SLC12A6: variants seen among roughly 807,000 people sequenced by gnomAD.
SLC12A6 encodes the protein solute carrier family 12 member 6.
SLC12A6 carries 66 observed loss-of-function variants against 135.3 expected under a neutral mutation model. The ratio of observed to expected loss-of-function variants is 0.49; its 90% CI spans 0.40 to 0.60. The LOEUF (loss-of-function observed/expected upper bound fraction) is 0.60. Ranked by LOEUF, SLC12A6 falls within the 20% of genes least tolerant of loss-of-function variation. The probability of loss-of-function intolerance (pLI) is 0.00; values close to 1 mark genes in which losing one functional copy is unlikely to be tolerated. For synonymous variants in SLC12A6, 513 were observed against 508.8 expected (o/e 1.01, Z -0.11); for missense variants, 1,058 against 1,452.3 (o/e 0.73, Z 4.41).
chr15:34,293,937 T>A (rs573209737), intron 2 of SLC12A6, among the ~76,000 whole-genome samples: 2 of 152,276 alleles, frequency 1.3e-5, no homozygotes, highest in African/African-American at 4.8e-5. Context: ...CTGGTTGAAA[T>A]AGAGAATCAC....
At chr15:34,331,292 G>A (rs893655173) in intron 2 of SLC12A6, among the ~76,000 whole-genome samples, 13 of 152,028 alleles carry the variant, frequency 8.6e-5, no homozygotes, top group African/African-American at 1.2e-4. Flanking sequence ...AGCATGCACC[G>A]CAACACCTGG....
chr15:34,334,789 C>T (rs945603484), intron 2 of SLC12A6, among the ~76,000 whole-genome samples: 1 of 152,114 alleles, frequency 6.6e-6, no homozygotes. Flanking sequence ...CCCATTTTTA[C>T]CCCTGTAGTC....
chr15:34,248,667 T>A (rs1892173239), intron 13 of SLC12A6, among the ~76,000 whole-genome samples: 1 of 152,132 alleles, frequency 6.6e-6, no homozygotes, highest in Non-Finnish European at 1.5e-5. Flanking sequence ...TCTGTTAGGC[T>A]TCGAGTCCTC....
intron 2 of SLC12A6, among the ~76,000 whole-genome samples, chr15:34,295,816 T>G (rs1895839664): frequency 6.6e-6 from 1 of 152,120 alleles, no homozygotes; most frequent in Non-Finnish European, 1.5e-5. Flanking sequence ...CTGACCAACA[T>G]AGAGAAACCC....
In SLC12A6 at chr15:34,236,700, T is replaced by C. The variant is rs186141509; in HGVS notation, c.3042+8A>G. 5,313 of 1,434,102 alleles carry C rather than the reference T, an allele frequency of 3.7e-3. 23 individuals are homozygous for C. The highest frequency in any genetic ancestry group is 4.7e-3 in the Non-Finnish European group (4,815 of 1,014,560). 88.8% of individuals were successfully genotyped at this position (1,434,102 alleles called of 1,614,324 possible). ...AGCACGGATTGGATTGATGCAGTAA[T>C]GTCTCACCTCTCTGTCTCGCTCTGT... On this transcript the variant is annotated splice_region_variant and intron_variant, in intron 23 of 25. Transcript: ENST00000354181.
intron 3 of SLC12A6, among the ~76,000 whole-genome samples, chr15:34,270,851 A>C (rs1893879377): frequency 2.0e-5 from 3 of 151,328 alleles, no homozygotes; most frequent in African/African-American, 7.3e-5. Context: ...AAAAAGAGAG[A>C]GAGAAAAGAG....
chr15:34,267,183 T>G (rs969569556), intron 3 of SLC12A6, among the ~76,000 whole-genome samples: 1 of 152,122 alleles, frequency 6.6e-6, no homozygotes, highest in Non-Finnish European at 1.5e-5. Context: ...AATTCCAATT[T>G]TCTCCTCCTG....
At chr15:34,260,067 A>C (rs1208701161) in intron 4 of SLC12A6, among the ~76,000 whole-genome samples, 1 of 152,212 alleles carries the variant, frequency 6.6e-6, no homozygotes, top group Non-Finnish European at 1.5e-5. Flanking sequence ...ATTGCTAAGA[A>C]AGTCAAATTC....
At position 34,229,876 on chromosome 15, in the gene SLC12A6, A is replaced by G; in HGVS notation, c.*4005T>C. 1.6e-6 allele frequency: 2 copies of G among 1,230,174 alleles called. No individual in the cohort carries two copies. Among genetic ancestry groups the G allele is most frequent in the South Asian group, 2.4e-5 (2 of 82,660 alleles). The allele number at this position is 1,230,174 out of a possible 1,614,324, so 76.2% of individuals were successfully genotyped here. A position where few individuals can be genotyped will look rare whatever the true frequency, so the allele number is the denominator to read the frequency against. On this transcript the variant is annotated 3_prime_UTR_variant, in exon 26 of 26. Coordinates refer to ENST00000354181, the MANE Select transcript of SLC12A6 (RefSeq NM_001365088.1). ...CAGTGGCTCCTCAGCATACTCTTAA[A>G]CTAATCACTTATGTTAAAAAGAACC...
At chr15:34,305,618 T>C (rs1896553862) in intron 2 of SLC12A6, among the ~76,000 whole-genome samples, 1 of 152,044 alleles carries the variant, frequency 6.6e-6, no homozygotes, top group African/African-American at 2.4e-5. Flanking sequence ...GCAGAGATAG[T>C]TTTAAAAAAA....
At chr15:34,254,075 T>C (rs1892578057) in intron 9 of SLC12A6, among the ~76,000 whole-genome samples, 1 of 152,162 alleles carries the variant, frequency 6.6e-6, no homozygotes, top group African/African-American at 2.4e-5. Context: ...AAAAAGATTA[T>C]GTACAATTAT....
chr15:34,259,540 C>T (rs952025712), intron 4 of SLC12A6, among the ~76,000 whole-genome samples: 4 of 151,882 alleles, frequency 2.6e-5, no homozygotes, highest in African/African-American at 9.7e-5. Context: ...GTCCCAGCTA[C>T]TAGGGAGGCT....
intron 13 of SLC12A6, 118 bp downstream of exon 13, chr15:34,250,180 C>T: frequency 1.3e-6 from 1 of 776,918 alleles, no homozygotes; most frequent in South Asian, 1.4e-5. Flanking sequence ...GCCGGGATTA[C>T]AGGCATGAGC....
At chr15:34,248,247 T>C (rs1017243735) in intron 13 of SLC12A6, among the ~76,000 whole-genome samples, 2 of 152,074 alleles carry the variant, frequency 1.3e-5, no homozygotes, top group African/African-American at 2.4e-5. Flanking sequence ...AGAATACTTA[T>C]GAAGAGAAAA....
intron 25 of SLC12A6, among the ~76,000 whole-genome samples, chr15:34,234,345 T>C (rs369257175): frequency 2.6e-5 from 4 of 152,248 alleles, no homozygotes; most frequent in South Asian, 4.1e-4. Flanking sequence ...CCAGTTCGGT[T>C]TGTCTTTTTC....
At chr15:34,258,210 C>G (rs931917935) in intron 5 of SLC12A6, among the ~76,000 whole-genome samples, 18 of 152,292 alleles carry the variant, frequency 1.2e-4, no homozygotes, top group African/African-American at 4.1e-4. Flanking sequence ...AAATGAAGAT[C>G]TGAGGGCCGT....
At chr15:34,284,740 C>T (rs1267169826) in intron 2 of SLC12A6, among the ~76,000 whole-genome samples, 1 of 152,058 alleles carries the variant, frequency 6.6e-6, no homozygotes, top group Non-Finnish European at 1.5e-5. Flanking sequence ...TAACCTATGT[C>T]AAGAACAGTA....
At chr15:34,313,059 G>C (rs997586289) in intron 2 of SLC12A6, among the ~76,000 whole-genome samples, 1 of 152,098 alleles carries the variant, frequency 6.6e-6, no homozygotes, top group Non-Finnish European at 1.5e-5. Flanking sequence ...CAACAATACT[G>C]AAATTAGGCC....
chr15:34,243,243 T>C (rs1355993961), intron 16 of SLC12A6, among the ~76,000 whole-genome samples: 14 of 152,192 alleles, frequency 9.2e-5, no homozygotes. Flanking sequence ...TTTGAGGCAT[T>C]AAAAATCAGT....
Sources: allele counts gnomAD v4.1 joint callset (sites outside exome capture counted in the v4.1 genomes callset), GRCh38; gene constraint gnomAD v4.1.1; transcripts MANE v1.5; gene names NCBI Gene and HGNC (gene_info 2026-07-23, HGNC 2026-07-21).